Variants in ABCB4 observed in about 807,000 individuals in gnomAD.
The protein encoded by ABCB4 is ATP binding cassette subfamily B member 4, also known as phosphatidylcholine translocator ABCB4.
In ABCB4, 76 loss-of-function variants were observed where a neutral mutation model predicts 145.7. That is an observed-to-expected ratio of 0.52 (90% CI 0.43 to 0.63). The LOEUF is 0.63. Among genes scored for constraint, ABCB4 ranks in the 30% least tolerant of loss-of-function variants. The probability of loss-of-function intolerance (pLI) is 0.00; values close to 1 mark genes in which losing one functional copy is unlikely to be tolerated. For synonymous variants in ABCB4, 517 were observed against 566.8 expected, an observed-to-expected ratio of 0.91 and a Z score of 1.25; for missense variants, 1,234 against 1,553.1, an observed-to-expected ratio of 0.79 and a Z score of 3.45.
chr7:87,463,809 A>G (rs1812666430), intron 3 of ABCB4, among the ~76,000 whole-genome samples: 1 of 151,984 alleles, frequency 6.6e-6, no homozygotes, highest in Admixed American at 6.5e-5. Context: ...GAAGTGCACA[A>G]CCCTCAAGAA....
chr7:87,367,693 A>G, the ABCB4 span, among the ~76,000 whole-genome samples: 3 of 152,192 alleles, frequency 2.0e-5, no homozygotes, highest in Admixed American at 2.0e-4. Context: ...TTGCTTAGTC[A>G]AGAAACTTGC....
At chr7:87,367,027 T>C in the ABCB4 span, among the ~76,000 whole-genome samples, 105 of 152,308 alleles carry the variant, frequency 6.9e-4, no homozygotes, top group Admixed American at 1.4e-3. Flanking sequence ...CATCATGACA[T>C]TTACCAGCCT....
chr7:87,379,142 T>G, the ABCB4 span, among the ~76,000 whole-genome samples: 2 of 152,180 alleles, frequency 1.3e-5, no homozygotes, highest in Non-Finnish European at 2.9e-5. Context: ...GCCCCCTGGC[T>G]TCTTCCCTTC....
rs1041784887 is a variant in ABCB4, at chr7:87,435,490, G to A, written c.1732-3925C>T. Among the ~76,000 whole-genome samples the A allele has an allele frequency of 4.6e-5, 7 of 152,288 alleles. No individual in the cohort carries two copies. In the East Asian group the frequency reaches 7.7e-4, roughly 17 times the overall value. Reference sequence around the variant, plus strand: ...GGCCTCAAGGGATCTCACACAGCTCGTCTGTTTGCCATCTTCGGATGTTAC... The same window carrying A: ...GGCCTCAAGGGATCTCACACAGCTCATCTGTTTGCCATCTTCGGATGTTAC... On this transcript the variant is annotated intron_variant, in intron 14 of 27. Coordinates refer to ENST00000649586, the MANE Select transcript of ABCB4 (RefSeq NM_000443.4).
At chr7:87,369,251 T>C in the ABCB4 span, 5 of 562,964 alleles carry the variant, frequency 8.9e-6, no homozygotes, top group Non-Finnish European at 1.6e-5. Context: ...TTATGTGATA[T>C]ATTTGATGAC....
At chr7:87,407,854 G>A (rs552626769) in intron 25 of ABCB4, among the ~76,000 whole-genome samples, 183 bp downstream of exon 25, 1 of 152,290 alleles carries the variant, frequency 6.6e-6, no homozygotes, top group African/African-American at 2.4e-5. Flanking sequence ...CTGAATTCCA[G>A]ACATTCTGTC....
chr7:87,427,434 T>C (rs1176003832), intron 15 of ABCB4, among the ~76,000 whole-genome samples: 1 of 152,108 alleles, frequency 6.6e-6, no homozygotes, highest in African/African-American at 2.4e-5. Context: ...AGACCCAACA[T>C]GCAGGCTCAG....
At chr7:87,436,610 G>GA (rs1251663187) in intron 14 of ABCB4, among the ~76,000 whole-genome samples, 1 of 152,168 alleles carries the variant, frequency 6.6e-6, no homozygotes, top group East Asian at 1.9e-4. Flanking sequence ...CATTTCTTAT[G>GA]AAAAAGGAAA....
chr7:87,466,274 C>T (rs1033812616), intron 3 of ABCB4, among the ~76,000 whole-genome samples: 4 of 151,906 alleles, frequency 2.6e-5, no homozygotes, highest in Admixed American at 6.6e-5. Context: ...GTAGCCAATT[C>T]GATCAAGTGG....
In ABCB4 at chr7:87,417,489, A is replaced by C. The variant is rs1355960389; in HGVS notation, c.2505T>G (p.Ile835Met). The C allele has an allele frequency of 3.1e-6, 5 of 1,614,066 alleles. No homozygotes were observed. The highest frequency in any genetic ancestry group is 4.2e-6 in the Non-Finnish European group (5 of 1,180,028). Residue 835 changes from isoleucine to methionine, a missense_variant, in exon 21 of 28, where the codon ATT becomes ATG. By Grantham distance (10) the Ile-to-Met change is conservative. Around this residue, in one of 7 missense-constraint regions of ABCB4, gnomAD observed 321 missense variants for 332.6 expected, o/e 0.97. Transcript: ENST00000649586. ...TTCCAAGGTTAGCTATATTCTGTGC[A>C]ATTAAAGCCAACCTGGTTCCTGTGG... ...QGATGTRLAL[I>M]AQNIANLGTG...
intron 14 of ABCB4, among the ~76,000 whole-genome samples, chr7:87,439,204 T>C (rs1810807811): frequency 1.3e-5 from 2 of 152,154 alleles, no homozygotes; most frequent in South Asian, 4.1e-4. Flanking sequence ...TTTATATGCT[T>C]AGACAAGTAC....
intron 3 of ABCB4, among the ~76,000 whole-genome samples, chr7:87,467,770 C>T (rs1357629332): frequency 6.6e-6 from 1 of 152,206 alleles, no homozygotes; most frequent in African/African-American, 2.4e-5. Context: ...TACATGGAAA[C>T]TGAACAACCT....
Position 87,440,228 on chromosome 7 carries a change from C to T in ABCB4, c.1531G>A (p.Ala511Thr), listed in dbSNP as rs1257887155. ...GGTAATTTCATGATAAACTCATAGGCGTTGGCCTCTTTGACAGCTTTCTTT... is the reference window on the plus strand; with the variant it reads ...GGTAATTTCATGATAAACTCATAGGTGTTGGCCTCTTTGACAGCTTTCTTT... ...EIKKAVKEAN[A>T]YEFIMKLPQK... Residue 511 changes from alanine (A) to threonine (T), a missense_variant, in exon 13 of 28, where the codon GCC (alanine) becomes ACC (threonine). By Grantham distance (58) the Ala-to-Thr change is moderately conservative (BLOSUM62 0). This residue lies in a region of ABCB4 where 467 missense variants were observed against 632.8 expected (regional missense o/e 0.74). Transcript: ENST00000649586. 2 of 1,613,978 alleles carry T rather than the reference C, an allele frequency of 1.2e-6. No individual in the cohort carries two copies. Among genetic ancestry groups the T allele is most frequent in the African/African-American group, 1.3e-5 (1 of 74,920 alleles).
chr7:87,393,663 G>A, the ABCB4 span, among the ~76,000 whole-genome samples: 10 of 152,106 alleles, frequency 6.6e-5, no homozygotes, highest in Admixed American at 5.9e-4. Flanking sequence ...CTTTACAGGG[G>A]CTTTTCAAAG....
At chr7:87,421,784 C>T (rs1428254852) in intron 18 of ABCB4, among the ~76,000 whole-genome samples, 2 of 152,212 alleles carry the variant, frequency 1.3e-5, no homozygotes, top group Non-Finnish European at 2.9e-5. Flanking sequence ...ACTTGATATT[C>T]TATAAAGAGT....
At chr7:87,456,686 C>A (rs761041725) in intron 4 of ABCB4, among the ~76,000 whole-genome samples, 2 of 152,182 alleles carry the variant, frequency 1.3e-5, no homozygotes, top group African/African-American at 2.4e-5. Context: ...ACAAAATGGA[C>A]TAACACAGAT....
intron 17 of ABCB4, 165 bp downstream of exon 17, chr7:87,423,741 C>T: frequency 1.3e-6 from 1 of 772,510 alleles, no homozygotes; most frequent in East Asian, 2.5e-5. Flanking sequence ...TCAAAGGCTA[C>T]TTATCTTTTC....
At chr7:87,432,635 T>C (rs904238992) in intron 14 of ABCB4, among the ~76,000 whole-genome samples, 1 of 152,168 alleles carries the variant, frequency 6.6e-6, no homozygotes, top group South Asian at 2.1e-4. Context: ...AGATGACACA[T>C]GGTATGATTT....
chr7:87,397,962 G>A (rs150136558), downstream of ABCB4, among the ~76,000 whole-genome samples: 1 of 152,174 alleles, frequency 6.6e-6, no homozygotes, highest in African/African-American at 2.4e-5. Flanking sequence ...CAGCTTCCCA[G>A]GGCCACTTTT....
Sources: gnomAD v4.1 joint callset for allele counts (sites outside exome capture counted in the v4.1 genomes callset) on GRCh38, gnomAD v4.1.1 for gene constraint, gnomAD v4.1.1 regional missense constraint, MANE v1.5 for transcripts, NCBI Gene and HGNC (gene_info 2026-07-23, HGNC 2026-07-21) for gene names.